Variants in HESX1 observed in about 807,000 individuals in gnomAD.
The protein encoded by HESX1 is homeobox expressed in ES cells 1.
HESX1 carries 11 observed loss-of-function variants against 22.5 expected under a neutral mutation model. The observed-to-expected ratio is 0.49, with a 90% confidence interval of 0.31 to 0.81. The LOEUF (loss-of-function observed/expected upper bound fraction) is 0.81, where lower values mean the gene tolerates loss of function less well. Among genes scored for constraint, HESX1 ranks in the 30% least tolerant of loss-of-function variants. The probability of loss-of-function intolerance (pLI) is 0.05; values close to 1 mark genes in which losing one functional copy is unlikely to be tolerated. For missense variants in HESX1, 201 were observed against 212.6 expected (o/e 0.95, Z 0.34); for synonymous variants, 74 against 76.5 (o/e 0.97, Z 0.17).
intron 1 of HESX1, among the ~76,000 whole-genome samples, chr3:57,219,417 G>A (rs1471746375): frequency 6.6e-6 from 1 of 151,810 alleles, no homozygotes; most frequent in Non-Finnish European, 1.5e-5. Flanking sequence ...GCCCAGGCTG[G>A]AGTGCAGTGG....
In HESX1 at chr3:57,198,836, A is replaced by G; in HGVS notation, c.274T>C (p.Ser92Pro). Residue 92 changes from serine to proline, a missense_variant, in exon 2 of 4, where the codon TCA becomes CCA. By Grantham distance (74) the Ser-to-Pro change is moderately conservative. Transcript: ENST00000295934. ...ERASKYENYF[S>P]ASERLSLKRE... ...TTCAAAGACAGTCTTTCTGAGGCTG[A>G]AAAGTAATTTTCATATTTCGAAGCT... is the stretch of plus-strand genomic sequence containing the variant. 6.2e-7 allele frequency: 1 copy of G among 1,614,202 alleles called. No homozygotes were observed.
intron 1 of HESX1, among the ~76,000 whole-genome samples, chr3:57,210,811 C>A (rs1294789897): frequency 1.3e-5 from 2 of 152,008 alleles, no homozygotes; most frequent in Non-Finnish European, 2.9e-5. Context: ...TAAAGTAATC[C>A]CAGTTTTCTC....
At chr3:57,198,316 A>C (rs542387569) in intron 3 of HESX1, 21 bp from the exon 4 acceptor site, 15 of 1,585,910 alleles carry the variant, frequency 9.5e-6, no homozygotes, top group Middle Eastern at 1.7e-4. Flanking sequence ...GGAAAAATAA[A>C]ATAGGTCTCA....
chr3:57,211,552 G>A (rs868185865), intron 1 of HESX1, among the ~76,000 whole-genome samples: 639 of 52,398 alleles, frequency 0.012, no homozygotes, highest in East Asian at 0.077. Context: ...AAAAAAAAAA[G>A]CCAGGCATGG....
intron 1 of HESX1, among the ~76,000 whole-genome samples, chr3:57,224,976 A>C (rs1182291170): frequency 6.6e-6 from 1 of 152,226 alleles, no homozygotes; most frequent in Non-Finnish European, 1.5e-5. Flanking sequence ...CCAGTTGCCC[A>C]AAGTTTTTAC....
chr3:57,223,505 T>C (rs2060626384), intron 1 of HESX1, among the ~76,000 whole-genome samples: 1 of 152,210 alleles, frequency 6.6e-6, no homozygotes, highest in South Asian at 2.1e-4. Context: ...CAGAAGCTAG[T>C]TTGCAGTGGC....
At chr3:57,209,438 G>A (rs1397652029) in intron 1 of HESX1, among the ~76,000 whole-genome samples, 3 of 152,004 alleles carry the variant, frequency 2.0e-5, no homozygotes, top group African/African-American at 7.3e-5. Context: ...TCTGAAGTTC[G>A]AGACCAGCCT....
intron 1 of HESX1, among the ~76,000 whole-genome samples, chr3:57,224,352 A>C (rs2060631099): frequency 6.6e-6 from 1 of 152,066 alleles, no homozygotes; most frequent in Non-Finnish European, 1.5e-5. Context: ...TGCCCAGGCT[A>C]GTCTCAAACT....
intron 1 of HESX1, among the ~76,000 whole-genome samples, chr3:57,219,973 G>A (rs1034212095): frequency 2.0e-5 from 3 of 152,138 alleles, no homozygotes; most frequent in African/African-American, 7.2e-5. Context: ...GTAATTTTGG[G>A]TTTTACATTT....
At chr3:57,213,581 ATAGT>A (rs1180474242) in intron 1 of HESX1, among the ~76,000 whole-genome samples, 1 of 152,248 alleles carries the variant, frequency 6.6e-6, no homozygotes, top group Non-Finnish European at 1.5e-5. Flanking sequence ...CAAGAACCTG[ATAGT>A]TATTTATAAC....
rs2060475402 is a variant in HESX1, at chr3:57,199,972, C to T, written c.-54G>A. The T allele has an allele frequency of 3.3e-6, 5 of 1,532,138 alleles. No individual in the cohort carries two copies. Among genetic ancestry groups the T allele is most frequent in the East Asian group, 4.5e-5 (2 of 44,444 alleles). The allele number at this position is 1,532,138 out of a possible 1,614,324, so 94.9% of individuals were successfully genotyped here. ...TCTGGCCTCTGCTGGCTCTGCCCCA[C>T]GTGTATAGGGCTGGGATCTTCCTGC... On this transcript the variant is annotated 5_prime_UTR_variant, in exon 1 of 4. It adds an upstream start codon to the 5' untranslated region. Coordinates refer to ENST00000295934, the MANE Select transcript of HESX1 (RefSeq NM_003865.3).
intron 1 of HESX1, among the ~76,000 whole-genome samples, chr3:57,217,414 G>A (rs1342499293): frequency 3.9e-5 from 6 of 152,058 alleles, no homozygotes; most frequent in Non-Finnish European, 7.3e-5. Flanking sequence ...TGAGAAACCT[G>A]GCTTCCATTA....
At chr3:57,221,798 G>A (rs764139974) in intron 1 of HESX1, among the ~76,000 whole-genome samples, 2 of 151,768 alleles carry the variant, frequency 1.3e-5, no homozygotes, top group Non-Finnish European at 2.9e-5. Flanking sequence ...GTAGAGATGG[G>A]GTTTCGCCAT....
intron 1 of HESX1, among the ~76,000 whole-genome samples, chr3:57,217,823 C>T (rs913536278): frequency 6.6e-6 from 1 of 152,106 alleles, no homozygotes; most frequent in African/African-American, 2.4e-5. Context: ...ACTTTTGTTC[C>T]AACATCCGGC....
chr3:57,199,333 C>A (rs952682288), intron 1 of HESX1, among the ~76,000 whole-genome samples: 2 of 152,078 alleles, frequency 1.3e-5, no homozygotes, highest in Non-Finnish European at 2.9e-5. Flanking sequence ...AAGTCCTAGA[C>A]TCTGGCTGGG....
intron 2 of HESX1, 73 bp from the exon 3 acceptor site, chr3:57,198,565 A>C (rs2107564196): frequency 1.8e-6 from 2 of 1,091,144 alleles, no homozygotes; most frequent in East Asian, 2.4e-5. Flanking sequence ...AAATGACTAC[A>C]TTTAAATCTT....
At chr3:57,207,130 G>A (rs901622977) in intron 1 of HESX1, among the ~76,000 whole-genome samples, 1 of 152,112 alleles carries the variant, frequency 6.6e-6, no homozygotes, top group Non-Finnish European at 1.5e-5. Flanking sequence ...TGTATTTTTA[G>A]TAGAGATGTG....
At chr3:57,215,691 C>T (rs548870607) in intron 1 of HESX1, among the ~76,000 whole-genome samples, 31 of 152,078 alleles carry the variant, frequency 2.0e-4, no homozygotes, top group African/African-American at 7.2e-4. Flanking sequence ...CGCTTGAACC[C>T]GGGAGGCAGA....
At chr3:57,208,714 A>G (rs981788021) in intron 1 of HESX1, among the ~76,000 whole-genome samples, 1 of 148,000 alleles carries the variant, frequency 6.8e-6, no homozygotes, top group African/African-American at 2.5e-5. Context: ...TAATCTCAGC[A>G]CTTTGGGAGG....
Sources: allele counts gnomAD v4.1 joint callset (sites outside exome capture counted in the v4.1 genomes callset), GRCh38; gene constraint gnomAD v4.1.1; transcripts MANE v1.5; gene names NCBI Gene and HGNC (gene_info 2026-07-23, HGNC 2026-07-21).